The following PHACTR2 variants were observed in gnomAD, a reference collection of about 807,000 sequenced individuals.
The protein encoded by PHACTR2 is phosphatase and actin regulator 2.
Under a neutral mutation model 76.0 loss-of-function variants are expected in PHACTR2, and 30 were observed. That is an observed-to-expected ratio of 0.39 (90% CI 0.30 to 0.54). PHACTR2 has a LOEUF of 0.54. PHACTR2 is among the 20% of genes least tolerant of loss of function. PHACTR2 has a pLI of 0.61. For synonymous variants in PHACTR2, 292 were observed against 292.5 expected, an observed-to-expected ratio of 1.00 and a Z score of 0.02; for missense variants, 696 against 781.1, an observed-to-expected ratio of 0.89 and a Z score of 1.30.
upstream of PHACTR2, among the ~76,000 whole-genome samples, chr6:143,673,344 A>C (rs1777189755): frequency 6.6e-6 from 1 of 151,310 alleles, no homozygotes; most frequent in East Asian, 1.9e-4. Flanking sequence ...TTTTTTGTCC[A>C]TACTTGGAAG....
At position 143,801,789 on chromosome 6, in the gene PHACTR2, T is replaced by G. The variant is rs895337572; in HGVS notation, c.1846-5268T>G. 9.2e-5 allele frequency among the ~76,000 whole-genome samples: 14 copies of G among 152,198 alleles called. No individual in the cohort carries two copies. Among genetic ancestry groups the G allele is most frequent in the African/African-American group, 3.4e-4 (14 of 41,446 alleles). ...GGAGGAGAAGAGGCATTCTGGTTTT[T>G]GGAATTTTCAGCCTTTCTGCCTTGG... is the stretch of plus-strand genomic sequence containing the variant. On this transcript the variant is annotated intron_variant, in intron 11 of 12. Coordinates refer to ENST00000440869, the MANE Select transcript of PHACTR2 (RefSeq NM_001100164.2). This position sits in a 1 kb window ranked among gnomAD's most constrained non-coding sequence, Gnocchi z 4.6.
At chr6:143,551,112 T>G (rs1028259457) in intron 1 of PHACTR2, among the ~76,000 whole-genome samples, 5 of 151,846 alleles carry the variant, frequency 3.3e-5, no homozygotes, top group African/African-American at 1.2e-4. Flanking sequence ...TCAAATCCAT[T>G]CTTTAAGGTG....
chr6:143,560,880 GGGGT>G (rs1775259145), intron 1 of PHACTR2, among the ~76,000 whole-genome samples: 1 of 126,360 alleles, frequency 7.9e-6, no homozygotes, highest in Non-Finnish European at 1.6e-5. Flanking sequence ...GCAAAGCAGA[GGGGT>G]GTGTGTGTGT....
At position 143,830,280 on chromosome 6, in the gene PHACTR2, C is replaced by CTTTTT; in HGVS notation, c.*6605_*6609dup. ...ACCTATTAAAAATTCAAACAAGTTTCTTTTTTTTTTTTTTTTTTCTGTGTA... is the reference window on the plus strand; with the variant it reads ...ACCTATTAAAAATTCAAACAAGTTTCTTTTTTTTTTTTTTTTTTTTTTTCTGTGTA... On this transcript the variant is annotated 3_prime_UTR_variant, in exon 13 of 13. Transcript: ENST00000440869. 1 of 118,294 alleles carries CTTTTT rather than the reference C, an allele frequency of 8.5e-6. No homozygotes were observed. Among genetic ancestry groups the CTTTTT allele is most frequent in the Non-Finnish European group, 1.9e-5 (1 of 53,976 alleles). 7.3% of individuals were successfully genotyped at this position (118,294 alleles called of 1,614,324 possible).
intron 1 of PHACTR2, among the ~76,000 whole-genome samples, chr6:143,702,717 T>C (rs1302998795): frequency 6.6e-6 from 1 of 151,304 alleles, no homozygotes; most frequent in African/African-American, 2.4e-5. Context: ...TTTTATAAAT[T>C]ACATTGCTCA....
Position 143,793,606 on chromosome 6 carries a change from T to C in PHACTR2, c.1845+4696T>C, listed in dbSNP as rs1358596127. 6.6e-6 allele frequency among the ~76,000 whole-genome samples: 1 copy of C among 152,126 alleles called. No individual in the cohort carries two copies. The highest frequency in any genetic ancestry group is 3.2e-3 in the Middle Eastern group (1 of 316). Reference sequence around the variant, plus strand: ...AAGAAAATTAAGAGGTAGAATTTCTTTTAAATAGAAAAAATATTGGCCAGG... The same window carrying C: ...AAGAAAATTAAGAGGTAGAATTTCTCTTAAATAGAAAAAATATTGGCCAGG... On this transcript the variant is annotated intron_variant, in intron 11 of 12. Coordinates refer to ENST00000440869, the MANE Select transcript of PHACTR2 (RefSeq NM_001100164.2). This position sits in a 1 kb window ranked among gnomAD's most constrained non-coding sequence, Gnocchi z 4.4.
rs1486026344 is a variant in PHACTR2 at position 143,548,456 on chromosome 6, G to A, written c.217+11249G>A. On this transcript the variant is annotated intron_variant, in intron 1 of 11. Transcript: ENST00000367584. This position sits in a 1 kb window ranked among gnomAD's most constrained non-coding sequence, Gnocchi z 4.5. ...CTCCCTCCCAGACTTCTCTGATGCT[G>A]TGAGCATATATTCTCCTCAGATTTC... Among the ~76,000 whole-genome samples the A allele has an allele frequency of 6.6e-6, 1 of 152,038 alleles. No homozygotes were observed. The highest frequency in any genetic ancestry group is 6.6e-5 in the Admixed American group (1 of 15,256).
Position 143,580,440 on chromosome 6 carries a change from G to C in PHACTR2, c.217+43233G>C, listed in dbSNP as rs896940886. On this transcript the variant is annotated intron_variant, in intron 1 of 11. Transcript: ENST00000367584. The surrounding 1 kb of genome is among the most constrained non-coding windows in gnomAD (Gnocchi z 4.2). Reference sequence around the variant, plus strand: ...GCGGGGCTTGCAGTGAGCCGAGATCGTGCCACTGCACTCCAGCCTGGGCGA... The same window carrying C: ...GCGGGGCTTGCAGTGAGCCGAGATCCTGCCACTGCACTCCAGCCTGGGCGA... Among the ~76,000 whole-genome samples, 2 of 152,050 alleles carry C rather than the reference G, an allele frequency of 1.3e-5. No homozygotes were observed. Among genetic ancestry groups the C allele is most frequent in the Non-Finnish European group, 2.9e-5 (2 of 67,994 alleles).
Position 143,814,595 on chromosome 6 carries a change from C to CTTTTTTTTT in PHACTR2, c.1922+7479_1922+7487dup, listed in dbSNP as rs61652528. Among the ~76,000 whole-genome samples the CTTTTTTTTT allele has an allele frequency of 1.8e-4, 20 of 108,418 alleles. 1 individual carries two copies. Among genetic ancestry groups the CTTTTTTTTT allele is most frequent in the African/African-American group, 6.7e-4 (18 of 26,916 alleles). The allele number at this position is 108,418 out of a possible 152,430, so 71.1% of individuals were successfully genotyped here. A position where few individuals can be genotyped will look rare whatever the true frequency, so the allele number is the denominator to read the frequency against. ...ACGTATGGACACATAGACATACACA[C>CTTTTTTTTT]TTTTTTTTTTTTTTTTTTTTTTTTT... is the stretch of plus-strand genomic sequence containing the variant. On this transcript the variant is annotated intron_variant, in intron 12 of 12. Coordinates refer to ENST00000440869, the MANE Select transcript of PHACTR2 (RefSeq NM_001100164.2).
rs1775571716 is a variant in PHACTR2, at chr6:143,787,023, T to C, written c.1708-1750T>C. On this transcript the variant is annotated intron_variant, in intron 10 of 12. Coordinates refer to ENST00000440869, the MANE Select transcript of PHACTR2 (RefSeq NM_001100164.2). The surrounding 1 kb of genome is among the most constrained non-coding windows in gnomAD (Gnocchi z 4.6). ...TCAATGGCCCTTAAGTTACCATCTGTAGACAATCAATCACCCCCTCCTTAT... is the reference window on the plus strand; with the variant it reads ...TCAATGGCCCTTAAGTTACCATCTGCAGACAATCAATCACCCCCTCCTTAT... 6.6e-6 allele frequency among the ~76,000 whole-genome samples: 1 copy of C among 152,182 alleles called. No individual in the cohort carries two copies. Among genetic ancestry groups the C allele is most frequent in the African/African-American group, 2.4e-5 (1 of 41,432 alleles).
chr6:143,643,271 C>T (rs1046894688), intron 1 of PHACTR2, among the ~76,000 whole-genome samples: 51 of 152,030 alleles, frequency 3.4e-4, no homozygotes, highest in African/African-American at 1.2e-3. Flanking sequence ...ATATAGACAT[C>T]GTCTCAAACC....
intron 1 of PHACTR2, among the ~76,000 whole-genome samples, chr6:143,628,598 T>C (rs1302347403): frequency 6.6e-6 from 1 of 152,104 alleles, no homozygotes. Context: ...ATAAGGACCC[T>C]TGTGATTACA....
rs66800720 is a variant in PHACTR2 at position 143,618,256 on chromosome 6, A to AACACACAC, written c.13+9957_13+9964dup. Among the ~76,000 whole-genome samples, 1,078 of 145,290 alleles carry AACACACAC rather than the reference A, an allele frequency of 7.4e-3. 13 individuals carry two copies. Among genetic ancestry groups the AACACACAC allele is most frequent in the African/African-American group, 0.025 (977 of 38,898 alleles). On this transcript the variant is annotated intron_variant, in intron 1 of 11. Transcript: ENST00000305766. This position sits in a 1 kb window ranked among gnomAD's most constrained non-coding sequence, Gnocchi z 5.2. The stretch of plus-strand genomic sequence containing the variant: ...GTTCCACCTTGTACTTCCTGCTCCA[A>AACACACAC]ACACACACACACACACACACACACA...
intron 1 of PHACTR2, among the ~76,000 whole-genome samples, chr6:143,566,756 T>G (rs1001105714): frequency 3.3e-5 from 5 of 151,776 alleles, no homozygotes; most frequent in South Asian, 4.2e-4. Flanking sequence ...CAGAATATTT[T>G]TAAATGAATT....
At position 143,583,836 on chromosome 6, in the gene PHACTR2, C is replaced by T. The variant is rs1383747146; in HGVS notation, c.217+46629C>T. On this transcript the variant is annotated intron_variant, in intron 1 of 11. Transcript: ENST00000367584. The surrounding 1 kb of genome is among the most constrained non-coding windows in gnomAD (Gnocchi z 4.0). ...CCAGGCATCATACCCAGAGAGGGAC[C>T]TAGCATAACCAGAATTCATTCAAAG... is the stretch of plus-strand genomic sequence containing the variant. Among the ~76,000 whole-genome samples, 1 of 152,212 alleles carries T rather than the reference C, an allele frequency of 6.6e-6. No homozygotes were observed. The highest frequency in any genetic ancestry group is 1.5e-5 in the Non-Finnish European group (1 of 68,036).
At position 143,772,643 on chromosome 6, in the gene PHACTR2, A is replaced by T. The variant is rs1342999937; in HGVS notation, c.1432+186A>T. Among the ~76,000 whole-genome samples the T allele has an allele frequency of 3.3e-5, 5 of 152,204 alleles. No homozygotes were observed. Among genetic ancestry groups the T allele is most frequent in the Non-Finnish European group, 7.3e-5 (5 of 68,038 alleles). The stretch of plus-strand genomic sequence containing the variant: ...TTTTGATGGGAGGCCTTTCCAGAAG[A>T]TGATGTCACATGGCTGGATCTGGCC... On this transcript the variant is annotated intron_variant, in intron 7 of 12. Coordinates refer to ENST00000440869, the MANE Select transcript of PHACTR2 (RefSeq NM_001100164.2). The surrounding 1 kb of genome is among the most constrained non-coding windows in gnomAD (Gnocchi z 5.4).
In PHACTR2 at chr6:143,743,051, A is replaced by G. The variant is rs1778979393; in HGVS notation, c.215-5934A>G. Among the ~76,000 whole-genome samples the G allele has an allele frequency of 6.6e-6, 1 of 152,228 alleles. No homozygotes were observed. Reference sequence around the variant, plus strand: ...CTCCATTTTGCAGATGAGGACGCTGAGGCACAGAGAAGTTGGTTGAAAGTG... The same window carrying G: ...CTCCATTTTGCAGATGAGGACGCTGGGGCACAGAGAAGTTGGTTGAAAGTG... On this transcript the variant is annotated intron_variant, in intron 2 of 12. Transcript: ENST00000440869. This position sits in a 1 kb window ranked among gnomAD's most constrained non-coding sequence, Gnocchi z 5.0.
intron 6 of PHACTR2, among the ~76,000 whole-genome samples, chr6:143,771,152 A>ATATGTGTG: frequency 1.9e-5 from 1 of 51,528 alleles, no homozygotes; most frequent in African/African-American, 1.1e-4. Context: ...ATGTATATAT[A>ATATGTGTG]TATATGTATA....
intron 6 of PHACTR2, among the ~76,000 whole-genome samples, chr6:143,768,764 C>G (rs1775020429): frequency 6.6e-6 from 1 of 152,130 alleles, no homozygotes; most frequent in African/African-American, 2.4e-5. Context: ...CATCATTAGC[C>G]ATTGAGGCTA....
Sources: allele counts gnomAD v4.1 joint callset (sites outside exome capture counted in the v4.1 genomes callset), GRCh38; gene constraint gnomAD v4.1.1; non-coding constraint Gnocchi (gnomAD v3.1); transcripts MANE v1.5; gene names NCBI Gene and HGNC (gene_info 2026-07-23, HGNC 2026-07-21).